EYA4: variants seen among roughly 807,000 people sequenced by gnomAD.
EYA4 encodes EYA transcriptional coactivator and phosphatase 4, also known as protein phosphatase EYA4.
In EYA4, 31 loss-of-function variants were observed where a neutral mutation model predicts 87.9. The observed-to-expected ratio is 0.35, with a 90% CI of 0.27 to 0.48. The LOEUF (loss-of-function observed/expected upper bound fraction) is 0.48. Ranked by LOEUF, EYA4 falls within the 20% of genes least tolerant of loss-of-function variation. The pLI is 0.99. For synonymous variants in EYA4, 263 were observed against 270.6 expected (o/e 0.97, Z 0.28); for missense variants, 678 against 761.4 (o/e 0.89, Z 1.29).
At chr6:133,370,401 A>ATT (rs1785175729) in intron 2 of EYA4, among the ~76,000 whole-genome samples, 1 of 152,222 alleles carries the variant, frequency 6.6e-6, no homozygotes, top group Non-Finnish European at 1.5e-5. Flanking sequence ...TTGTTAAAAT[A>ATT]GGTTGTTTAG....
At chr6:133,466,903 C>T (rs1031800397) in intron 10 of EYA4, among the ~76,000 whole-genome samples, 3 of 152,008 alleles carry the variant, frequency 2.0e-5, no homozygotes, top group Admixed American at 2.0e-4. Flanking sequence ...GATTCTATTC[C>T]AAGCCCAGTG....
At chr6:133,457,062 A>G (rs1479819226) in intron 6 of EYA4, among the ~76,000 whole-genome samples, 1 of 151,966 alleles carries the variant, frequency 6.6e-6, no homozygotes, top group African/African-American at 2.4e-5. Flanking sequence ...CTTCTAAATA[A>G]CCTTGTTTCC....
At chr6:133,267,208 A>G (rs192732704) in intron 1 of EYA4, among the ~76,000 whole-genome samples, 1 of 152,328 alleles carries the variant, frequency 6.6e-6, no homozygotes, top group Admixed American at 6.5e-5. Context: ...TGCACAGACA[A>G]CATAAAATTA....
intron 3 of EYA4, among the ~76,000 whole-genome samples, chr6:133,414,128 A>G (rs1789496756): frequency 6.6e-6 from 1 of 152,030 alleles, no homozygotes; most frequent in South Asian, 2.1e-4. Flanking sequence ...CTTCTAATCT[A>G]TGCATCCAGA....
Position 133,468,494 on chromosome 6 carries a change from G to T in EYA4, c.805-72G>T, listed in dbSNP as rs1795039461. 4.1e-6 allele frequency: 5 copies of T among 1,232,662 alleles called. No individual in the cohort carries two copies. In the Admixed American group the frequency reaches 6.8e-5, roughly 17 times the overall value. The allele number at this position is 1,232,662 out of a possible 1,614,324, so 76.4% of individuals were successfully genotyped here. Reference sequence around the variant, plus strand: ...GTACTAATCTTTCAGTTACCATAATGACTGGTTTTCTTGGGAGAGTATTAA... The same window carrying T: ...GTACTAATCTTTCAGTTACCATAATTACTGGTTTTCTTGGGAGAGTATTAA... On this transcript the variant is annotated intron_variant, in intron 10 of 19. Coordinates refer to ENST00000355286, the MANE Select transcript of EYA4 (RefSeq NM_004100.5).
At chr6:133,315,838 T>C (rs1780579291) in intron 2 of EYA4, among the ~76,000 whole-genome samples, 1 of 152,234 alleles carries the variant, frequency 6.6e-6, no homozygotes, top group African/African-American at 2.4e-5. Flanking sequence ...AAAGATGTTT[T>C]GCATCTTCTA....
intron 1 of EYA4, among the ~76,000 whole-genome samples, chr6:133,254,483 G>A (rs1178454296): frequency 6.6e-6 from 1 of 151,972 alleles, no homozygotes; most frequent in Admixed American, 6.6e-5. Context: ...AGTTTTTAGT[G>A]GTTTGTTTTT....
intron 2 of EYA4, among the ~76,000 whole-genome samples, chr6:133,284,058 C>A (rs1562246104): frequency 6.6e-6 from 1 of 152,190 alleles, no homozygotes; most frequent in Non-Finnish European, 1.5e-5. Flanking sequence ...CATCAACTTA[C>A]ATGATTTTCA....
intron 7 of EYA4, chr6:133,462,095 CT>C (rs1562448829): frequency 1.9e-6 from 1 of 525,766 alleles, no homozygotes; most frequent in African/African-American, 1.9e-5. Context: ...CAAATTTCTA[CT>C]TTTACAGGTG....
chr6:133,499,210 A>T (rs478907), intron 13 of EYA4, among the ~76,000 whole-genome samples: 30,811 of 152,064 alleles, frequency 0.2, 3,670 homozygotes, highest in Non-Finnish European at 0.27. Flanking sequence ...TTTAACCATC[A>T]TCAACCCTCT....
intron 3 of EYA4, among the ~76,000 whole-genome samples, chr6:133,390,090 G>A (rs1787125897): frequency 2.0e-5 from 3 of 152,138 alleles, no homozygotes; most frequent in African/African-American, 4.8e-5. Flanking sequence ...AGAAGCATGA[G>A]CAAATAACCT....
chr6:133,288,933 A>C (rs1778275076), intron 2 of EYA4, among the ~76,000 whole-genome samples: 1 of 152,198 alleles, frequency 6.6e-6, no homozygotes, highest in Non-Finnish European at 1.5e-5. Flanking sequence ...GTGGCCCTTC[A>C]AAAGGAAGTC....
chr6:133,367,668 C>T (rs749317151), intron 2 of EYA4, among the ~76,000 whole-genome samples: 5 of 152,068 alleles, frequency 3.3e-5, no homozygotes, highest in Non-Finnish European at 7.4e-5. Flanking sequence ...GTCAGGGTGC[C>T]ATTTTCAACA....
chr6:133,306,595 T>A lies in EYA4; in HGVS notation c.33+31782T>A, dbSNP rs189399542. 3.2e-4 allele frequency among the ~76,000 whole-genome samples: 48 copies of A among 152,358 alleles called. No individual in the cohort carries two copies. In the East Asian group the frequency reaches 8.3e-3, roughly 26 times the overall value. On this transcript the variant is annotated intron_variant, in intron 2 of 19. Coordinates refer to ENST00000355286, the MANE Select transcript of EYA4 (RefSeq NM_004100.5). ...ATTTATTAAAAACTGAATCTTTAAT[T>A]TGAAAATCAGATTTGTATCTTTCAG...
intron 2 of EYA4, among the ~76,000 whole-genome samples, chr6:133,351,249 G>A (rs1421274979): frequency 6.6e-6 from 1 of 152,146 alleles, no homozygotes; most frequent in African/African-American, 2.4e-5. Flanking sequence ...AATGTGTCCG[G>A]TATTTAGTGA....
At chr6:133,458,779 G>A (rs1018331086) in intron 6 of EYA4, among the ~76,000 whole-genome samples, 13 of 152,140 alleles carry the variant, frequency 8.5e-5, no homozygotes, top group African/African-American at 2.4e-4. Flanking sequence ...AAGATGGCAC[G>A]ATAATGAGAA....
chr6:133,267,009 C>T (rs147200825), intron 1 of EYA4, among the ~76,000 whole-genome samples: 106 of 152,040 alleles, frequency 7.0e-4, no homozygotes, highest in Middle Eastern at 3.4e-3. Flanking sequence ...ATTCCCTTCC[C>T]CTAAAGAGAT....
Position 133,463,649 on chromosome 6 carries a change from C to T in EYA4, c.724+885C>T, listed in dbSNP as rs565359208. On this transcript the variant is annotated intron_variant, in intron 9 of 19. Coordinates refer to ENST00000355286, the MANE Select transcript of EYA4 (RefSeq NM_004100.5). ...GTACTGGGATTACAGGCGTGAGCCA[C>T]CATGCCTAGCTGTGTTTTATCTTAA... 7.2e-5 allele frequency among the ~76,000 whole-genome samples: 11 copies of T among 152,246 alleles called. No individual in the cohort carries two copies. The East Asian group carries it at 1.7e-3, about 24-fold the overall frequency.
At chr6:133,489,122 A>C (rs3886686) in intron 13 of EYA4, among the ~76,000 whole-genome samples, 4,491 of 152,330 alleles carry the variant, frequency 0.029, 254 homozygotes, top group East Asian at 0.18. Flanking sequence ...TGAAGAATGC[A>C]TGAGTCTCTT....
Sources: gnomAD v4.1 joint callset for allele counts (sites outside exome capture counted in the v4.1 genomes callset) on GRCh38, gnomAD v4.1.1 for gene constraint, MANE v1.5 for transcripts, NCBI Gene and HGNC (gene_info 2026-07-23, HGNC 2026-07-21) for gene names.